The following LIPA variants were observed in gnomAD, a reference collection of about 807,000 sequenced individuals.
LIPA encodes lipase A, lysosomal acid type.
LIPA carries 26 observed loss-of-function variants against 40.6 expected under a neutral mutation model. That is an observed-to-expected ratio of 0.64 (90% CI 0.47 to 0.89). The LOEUF (loss-of-function observed/expected upper bound fraction) is 0.89. Among genes scored for constraint, LIPA ranks in the 40% least tolerant of loss-of-function variants. LIPA has a pLI of 0.00. For missense variants in LIPA, 455 were observed against 479.6 expected (o/e 0.95, Z 0.48); for synonymous variants, 188 against 168.4 (o/e 1.12, Z -0.90).
At chr10:89,384,981 A>AT (rs1268602542) in intron 2 of LIPA, 1 of 462,252 alleles carries the variant, frequency 2.2e-6, no homozygotes, top group African/African-American at 1.9e-5. Flanking sequence ...TCCTGATGGA[A>AT]TGGTAAAGCA....
At chr10:89,260,984 G>T (rs1036868421) in intron 1 of LIPA, among the ~76,000 whole-genome samples, 6 of 152,186 alleles carry the variant, frequency 3.9e-5, no homozygotes, top group African/African-American at 1.4e-4. Context: ...AGCTAGTAGT[G>T]ACACATTCCA....
At chr10:89,312,052 C>A (rs1223247375) in intron 1 of LIPA, among the ~76,000 whole-genome samples, 1 of 152,178 alleles carries the variant, frequency 6.6e-6, no homozygotes, top group African/African-American at 2.4e-5. Flanking sequence ...CCCTTTACGT[C>A]TTCTTCCTTC....
At chr10:89,237,671 TAAG>T (rs757576796) in intron 3 of LIPA, among the ~76,000 whole-genome samples, 1 of 152,204 alleles carries the variant, frequency 6.6e-6, no homozygotes, top group African/African-American at 2.4e-5. Context: ...GGCTGTACAA[TAAG>T]AAGGACTGGA....
At position 89,247,607 on chromosome 10, in the gene LIPA, G is replaced by A. The variant is rs1314994550; in HGVS notation, c.42C>T (p.Leu14=). ...RFLGLVVCLV[L]WTLHSEGSGG... ...CAGACCCCTCAGAATGCAGGGTCCA[G>A]AGAACCAAACAGACCACCAACCCCA... The change falls in exon 2 of 10, where the codon CTC becomes CTT. Residue 14 remains leucine, a synonymous_variant. Transcript: ENST00000336233. The A allele has an allele frequency of 3.1e-6, 5 of 1,613,166 alleles. No homozygotes were observed. In the Admixed American group the frequency reaches 8.3e-5, roughly 27 times the overall value.
chr10:89,230,428 T>G (rs2089659777), intron 3 of LIPA, among the ~76,000 whole-genome samples: 1 of 152,174 alleles, frequency 6.6e-6, no homozygotes, highest in South Asian at 2.1e-4. Flanking sequence ...CATCTCAACC[T>G]CCTGAGTAGT....
At chr10:89,241,635 T>G (rs182337775) in intron 3 of LIPA, among the ~76,000 whole-genome samples, 14 of 152,170 alleles carry the variant, frequency 9.2e-5, no homozygotes, top group African/African-American at 2.7e-4. Flanking sequence ...ATGACTCTAA[T>G]AGCTCAATGG....
chr10:89,403,594 T>G, intron 2 of LIPA: 1 of 1,614,056 alleles, frequency 6.2e-7, no homozygotes, highest in Non-Finnish European at 8.5e-7. Flanking sequence ...CTGGAAAGCT[T>G]GAGCCTCCTT....
chr10:89,380,270 G>C (rs1240923923), intron 2 of LIPA, among the ~76,000 whole-genome samples: 1 of 152,108 alleles, frequency 6.6e-6, no homozygotes, highest in Admixed American at 6.5e-5. Flanking sequence ...CAGGGACAGA[G>C]GAGCAGATTG....
At chr10:89,238,783 TATAAC>T (rs1842934548) in intron 3 of LIPA, among the ~76,000 whole-genome samples, 1 of 152,220 alleles carries the variant, frequency 6.6e-6, no homozygotes. Flanking sequence ...ATATAATACA[TATAAC>T]ATATAAAATA....
intron 2 of LIPA, chr10:89,383,365 A>G (rs1168145969): frequency 6.2e-7 from 1 of 1,614,202 alleles, no homozygotes; most frequent in Admixed American, 1.7e-5. Context: ...GATTCAGCTG[A>G]GATGTCACTT....
At chr10:89,391,207 T>C (rs368486643) in intron 2 of LIPA, among the ~76,000 whole-genome samples, 5 of 152,316 alleles carry the variant, frequency 3.3e-5, no homozygotes, top group South Asian at 4.1e-4. Flanking sequence ...GGAAACATTG[T>C]TTTTATATAT....
intron 1 of LIPA, among the ~76,000 whole-genome samples, chr10:89,320,024 A>G (rs1843562817): frequency 6.6e-6 from 1 of 152,244 alleles, no homozygotes; most frequent in South Asian, 2.1e-4. Flanking sequence ...GTAGCCCTTC[A>G]TGCTAAAAAC....
chr10:89,331,666 C>G (rs1338949682), intron 1 of LIPA, among the ~76,000 whole-genome samples: 1 of 151,704 alleles, frequency 6.6e-6, no homozygotes, highest in African/African-American at 2.4e-5. Context: ...GGAGACCAGC[C>G]TGGGCAACAT....
chr10:89,244,512 G>C (rs1196061255), intron 3 of LIPA, among the ~76,000 whole-genome samples: 6 of 152,108 alleles, frequency 3.9e-5, no homozygotes, highest in African/African-American at 1.4e-4. Flanking sequence ...AACCTGGGAG[G>C]CGGAGGTTGC....
intron 8 of LIPA, among the ~76,000 whole-genome samples, chr10:89,218,126 T>G: frequency 6.6e-6 from 1 of 152,284 alleles, no homozygotes; most frequent in African/African-American, 2.4e-5. Flanking sequence ...GGATAAACCG[T>G]TTTAAAATGA....
At chr10:89,294,663 T>C (rs540050071) in intron 1 of LIPA, among the ~76,000 whole-genome samples, 9 of 152,318 alleles carry the variant, frequency 5.9e-5, no homozygotes, top group African/African-American at 2.2e-4. Context: ...GTTTAATTAA[T>C]TTTTGAAAAA....
intron 2 of LIPA, among the ~76,000 whole-genome samples, chr10:89,354,645 G>A (rs969894776): frequency 6.6e-6 from 1 of 152,170 alleles, no homozygotes; most frequent in African/African-American, 2.4e-5. Context: ...TCGGCTCAAT[G>A]CAACCTCTGC....
rs543492849 is a variant in LIPA, at chr10:89,369,679, T to C, written c.61+43112A>G. 2.0e-5 allele frequency among the ~76,000 whole-genome samples: 3 copies of C among 152,368 alleles called. No homozygotes were observed. In the South Asian group the frequency reaches 6.2e-4, roughly 32 times the overall value. On this transcript the variant is annotated intron_variant, in intron 2 of 8. Coordinates refer to the LIPA transcript ENST00000371837. The stretch of plus-strand genomic sequence containing the variant: ...TTCCTAAATAGAAGTGTTTCCTATA[T>C]AGAGGTATTTGCGCCCTCTACTGCC...
chr10:89,372,117 G>A (rs918867622), intron 2 of LIPA, among the ~76,000 whole-genome samples: 3 of 152,310 alleles, frequency 2.0e-5, no homozygotes, highest in East Asian at 3.9e-4. Context: ...TCCCGTCTCC[G>A]GTGTACTAAT....
Sources: allele counts gnomAD v4.1 joint callset (sites outside exome capture counted in the v4.1 genomes callset), GRCh38; gene constraint gnomAD v4.1.1; transcripts MANE v1.5; gene names NCBI Gene and HGNC (gene_info 2026-07-23, HGNC 2026-07-21).